FLT4: variants seen among roughly 807,000 people sequenced by gnomAD.
FLT4 encodes fms related receptor tyrosine kinase 4.
In FLT4, 30 loss-of-function variants were observed where a neutral mutation model predicts 163.2. The ratio of observed to expected loss-of-function variants is 0.18; its 90% CI spans 0.14 to 0.25. FLT4 has a LOEUF of 0.25. Among genes scored for constraint, FLT4 ranks in the 10% least tolerant of loss-of-function variants. FLT4 has a pLI of 1.00. For synonymous variants in FLT4, 884 were observed against 789.5 expected (o/e 1.12, Z -2.01); for missense variants, 1,510 against 1,863.8 (o/e 0.81, Z 3.50).
rs1479285143 is a variant in FLT4, at chr5:180,618,837, G to A, written c.2934C>T (p.Asp978=). 1 of 1,583,356 alleles carries A rather than the reference G, an allele frequency of 6.3e-7. No individual in the cohort carries two copies. Residue 978 remains aspartate (D), a synonymous_variant, in exon 21 of 30, where the codon GAC becomes GAT. Transcript: ENST00000261937. ...RLDRRRPGSS[D]RVLFARFSKT... ...TCGAGAACCGCGCGAAGAGGACCCT[G>A]TCGCTGCTCCCCGGCCGCCTCCGAT...
chr5:180,640,738 C>G (rs994563204), intron 1 of FLT4, among the ~76,000 whole-genome samples: 1 of 152,150 alleles, frequency 6.6e-6, no homozygotes, highest in Non-Finnish European at 1.5e-5. Flanking sequence ...GCCCCTCCCT[C>G]GGCTCCACAC....
chr5:180,624,074 G>A lies in FLT4; in HGVS notation c.1422-13C>T, dbSNP rs2127823304. On this transcript the variant is annotated splice_polypyrimidine_tract_variant and intron_variant, in intron 10 of 29. Coordinates refer to ENST00000261937, the MANE Select transcript of FLT4 (RefSeq NM_182925.5). ...CTGCCGCCGCCGGCTGCCAGGACCAGAAGAGGCAAGGGCAGGTCAGGGATA... is the reference window on the plus strand; with the variant it reads ...CTGCCGCCGCCGGCTGCCAGGACCAAAAGAGGCAAGGGCAGGTCAGGGATA... 1 of 1,610,570 alleles carries A rather than the reference G, an allele frequency of 6.2e-7. No individual in the cohort carries two copies.
chr5:180,608,525 G>A (rs187964776), intron 29 of FLT4, among the ~76,000 whole-genome samples: 295 of 152,168 alleles, frequency 1.9e-3, no homozygotes, highest in African/African-American at 6.8e-3. Flanking sequence ...CTCCACACAC[G>A]GGGAGAACAC....
At chr5:180,603,866 T>A (rs1047253559) in intron 29 of FLT4, among the ~76,000 whole-genome samples, 3 of 150,240 alleles carry the variant, frequency 2.0e-5, no homozygotes, top group African/African-American at 7.4e-5. Context: ...ATCGCACCAC[T>A]GCACTCCAGC....
chr5:180,630,691 G>A lies in FLT4; in HGVS notation c.264C>T (p.Asp88=), dbSNP rs1264748893. ...GCAACACCTTGCAGTAGGGCCTGGC[G>A]TCTGTGCCCTCGCAGTCTCGCACCA... is the stretch of plus-strand genomic sequence containing the variant. ...TGVVRDCEGT[D]ARPYCKVLLL... The change falls in exon 3 of 30, where the codon GAC becomes GAT. Residue 88 remains aspartate (D), a synonymous_variant. Transcript: ENST00000261937. The surrounding 1 kb of genome is among the most constrained non-coding windows in gnomAD (Gnocchi z 6.3). 7 of 1,612,838 alleles carry A rather than the reference G, an allele frequency of 4.3e-6. No homozygotes were observed. The Admixed American group carries it at 5.0e-5, about 12-fold the overall frequency.
intron 1 of FLT4, among the ~76,000 whole-genome samples, chr5:180,634,841 CATGG>C (rs1191611149): frequency 5.0e-4 from 13 of 25,810 alleles, no homozygotes; most frequent in African/African-American, 2.1e-3. Flanking sequence ...AGGATGGATG[CATGG>C]ATGGATGGAA....
chr5:180,609,306 C>T (rs533800753), intron 28 of FLT4: 233 of 569,180 alleles, frequency 4.1e-4, no homozygotes, highest in Admixed American at 1.7e-3. Flanking sequence ...GGGACCTCCA[C>T]GGTGGCCAAG....
rs377158180 is a variant in FLT4 at position 180,619,408 on chromosome 5, G to A, written c.2648-42C>T. On this transcript the variant is annotated intron_variant, in intron 18 of 29. Transcript: ENST00000261937. ...CCTCACACCGGCCCCGACCCTGGCA[G>A]GTCCCCGTTCCCCGCCACCCGGCGC... is the stretch of plus-strand genomic sequence containing the variant. The A allele has an allele frequency of 5.9e-6, 8 of 1,357,470 alleles. No individual in the cohort carries two copies. In the African/African-American group the frequency reaches 1.4e-4, roughly 24 times the overall value. 84.1% of individuals were successfully genotyped at this position (1,357,470 alleles called of 1,614,324 possible).
chr5:180,610,780 G>A (rs540868446), intron 27 of FLT4, among the ~76,000 whole-genome samples: 5 of 152,308 alleles, frequency 3.3e-5, no homozygotes, highest in East Asian at 1.9e-4. Context: ...TACGCTTGCC[G>A]GGCGCAGTGG....
At position 180,626,145 on chromosome 5, in the gene FLT4, C is replaced by T. The variant is rs201309413; in HGVS notation, c.1224G>A (p.Leu408=). 3 of 1,612,866 alleles carry T rather than the reference C, an allele frequency of 1.9e-6. No individual in the cohort carries two copies. The highest frequency in any genetic ancestry group is 3.3e-5 in the Admixed American group (2 of 60,028). The change falls in exon 9 of 30, where the codon CTG becomes CTA. Residue 408 remains leucine (L), a synonymous_variant. Coordinates refer to ENST00000261937, the MANE Select transcript of FLT4 (RefSeq NM_182925.5). ...CCAGCTCCAGGCTGATGTTGCGCCT[C>T]AGGCCAGCAGCGGAGTTCCACAGGG... ...TLALWNSAAG[L]RRNISLELVV...
At chr5:180,629,649 C>T (rs1461625777) in intron 6 of FLT4, 47 bp downstream of exon 6, 27 of 1,599,348 alleles carry the variant, frequency 1.7e-5, no homozygotes, top group Non-Finnish European at 2.0e-5. Flanking sequence ...TGTACAGTCA[C>T]AGGGACTCCT....
At chr5:180,603,878 T>C (rs1761649272) in intron 29 of FLT4, among the ~76,000 whole-genome samples, 1 of 148,694 alleles carries the variant, frequency 6.7e-6, no homozygotes, top group Non-Finnish European at 1.5e-5. Flanking sequence ...CACTCCAGCC[T>C]GGGCGACAGA....
At chr5:180,643,297 G>A (rs62407088) in intron 1 of FLT4, among the ~76,000 whole-genome samples, 31,248 of 152,100 alleles carry the variant, frequency 0.21, 3,602 homozygotes, top group Middle Eastern at 0.32. Context: ...GAGTAGGAGC[G>A]GGCCCAAGAG....
chr5:180,619,200 G>T, intron 19 of FLT4, 53 bp downstream of exon 19: 1 of 1,383,530 alleles, frequency 7.2e-7, no homozygotes, highest in Non-Finnish European at 9.4e-7. Context: ...CCTCCCGCCC[G>T]CGGCGCCCCG....
chr5:180,628,406 C>T (rs1184752300), intron 8 of FLT4, among the ~76,000 whole-genome samples: 1 of 152,242 alleles, frequency 6.6e-6, no homozygotes, highest in Non-Finnish European at 1.5e-5. Context: ...CTCCTGGAAG[C>T]TCTCTCGCTC....
At chr5:180,639,196 C>T (rs1192850809) in intron 1 of FLT4, among the ~76,000 whole-genome samples, 1 of 70,304 alleles carries the variant, frequency 1.4e-5, no homozygotes, top group Non-Finnish European at 3.1e-5. Flanking sequence ...GATGGACAGA[C>T]AGATGAATGG....
At position 180,631,721 on chromosome 5, in the gene FLT4, T is replaced by A. The variant is rs1489305259; in HGVS notation, c.116A>T (p.His39Leu). The stretch of plus-strand genomic sequence containing the variant: ...CAGGCTGTCACCGGTGTCGATGACG[T>A]GTGACTCCTCCGTGATGTTCAAGGT... ...PPTLNITEESHVIDTGDSLSI... is the reference protein window; with the variant it reads ...PPTLNITEESLVIDTGDSLSI... Residue 39 changes from histidine (H) to leucine (L), a missense_variant, in exon 2 of 30, where the codon CAC (histidine) becomes CTC (leucine). His to Leu is a moderately conservative substitution (Grantham distance 99). Coordinates refer to ENST00000261937, the MANE Select transcript of FLT4 (RefSeq NM_182925.5). The A allele has an allele frequency of 6.2e-7, 1 of 1,610,830 alleles. No homozygotes were observed. The highest frequency in any genetic ancestry group is 1.7e-5 in the Admixed American group (1 of 60,020).
At position 180,630,594 on chromosome 5, in the gene FLT4, C is replaced by T. The variant is rs371804364; in HGVS notation, c.361G>A (p.Glu121Lys). The T allele has an allele frequency of 4.2e-5, 67 of 1,613,004 alleles. No individual in the cohort carries two copies. The highest frequency in any genetic ancestry group is 3.9e-4 in the African/African-American group (29 of 75,026). Residue 121 changes from glutamate to lysine, a missense_variant, in exon 3 of 30, where the codon GAG becomes AAG. Physicochemically the swap from Glu to Lys is moderately conservative, Grantham distance 56. This residue lies in a region of FLT4 where 157 missense variants were observed against 178.7 expected (regional missense o/e 0.88). Coordinates refer to ENST00000261937, the MANE Select transcript of FLT4 (RefSeq NM_182925.5). This position sits in a 1 kb window ranked among gnomAD's most constrained non-coding sequence, Gnocchi z 6.3. ...CYYKYIKARIEGTTAASSYVF... is the reference protein window; with the variant it reads ...CYYKYIKARIKGTTAASSYVF... ...TAGGAGCTGGCGGCCGTGGTGCCCTCGATGCGTGCCTTGATGTACTTGTAG... is the reference window on the plus strand; with the variant it reads ...TAGGAGCTGGCGGCCGTGGTGCCCTTGATGCGTGCCTTGATGTACTTGTAG...
chr5:180,618,932 C>G lies in FLT4; in HGVS notation c.2851-12G>C. ...TCGGGAGACTTCTCCTGCGGATGCA[C>G]GAAGCTGGCTCGAGGGCGCCCAGTC... is the stretch of plus-strand genomic sequence containing the variant. On this transcript the variant is annotated splice_polypyrimidine_tract_variant and intron_variant, in intron 20 of 29. Transcript: ENST00000261937. The G allele has an allele frequency of 1.9e-6, 3 of 1,579,972 alleles. No homozygotes were observed. Among genetic ancestry groups the G allele is most frequent in the East Asian group, 2.3e-5 (1 of 43,382 alleles).
Sources: gnomAD v4.1 joint callset for allele counts (sites outside exome capture counted in the v4.1 genomes callset) on GRCh38, gnomAD v4.1.1 for gene constraint, gnomAD v4.1.1 regional missense constraint, Gnocchi (gnomAD v3.1) non-coding constraint, MANE v1.5 for transcripts, NCBI Gene and HGNC (gene_info 2026-07-23, HGNC 2026-07-21) for gene names.